The following PPP1R12B variants were observed in gnomAD, a reference collection of about 807,000 sequenced individuals.
The protein encoded by PPP1R12B is myosin phosphatase target subunit 2.
In PPP1R12B, 76 loss-of-function variants were observed where a neutral mutation model predicts 126.1. The observed-to-expected ratio is 0.60, with a 90% CI of 0.50 to 0.73. The LOEUF (loss-of-function observed/expected upper bound fraction) is 0.73. PPP1R12B is among the 30% of genes least tolerant of loss of function. PPP1R12B has a pLI of 0.00. For missense variants in PPP1R12B, 1,052 were observed against 1,205.1 expected (o/e 0.87, Z 1.88); for synonymous variants, 356 against 434.7 (o/e 0.82, Z 2.25).
chr1:202,494,917 A>G (rs1679351428), intron 15 of PPP1R12B, among the ~76,000 whole-genome samples: 1 of 152,190 alleles, frequency 6.6e-6, no homozygotes, highest in East Asian at 1.9e-4. Context: ...GTTTCCCTAC[A>G]TAAACCTTGC....
At chr1:202,464,490 G>A (rs1674728301) in intron 13 of PPP1R12B, among the ~76,000 whole-genome samples, 1 of 152,060 alleles carries the variant, frequency 6.6e-6, no homozygotes, top group African/African-American at 2.4e-5. Flanking sequence ...TTAATATAGG[G>A]AATGCAGATT....
intron 18 of PPP1R12B, among the ~76,000 whole-genome samples, chr1:202,553,963 G>A (rs1686607060): frequency 6.6e-6 from 1 of 152,122 alleles, no homozygotes; most frequent in Non-Finnish European, 1.5e-5. Flanking sequence ...ATGAAGTCGT[G>A]TTAGTCTAAC....
chr1:202,471,720 G>A (rs1405833664), intron 13 of PPP1R12B: 2 of 514,452 alleles, frequency 3.9e-6, no homozygotes, highest in East Asian at 6.5e-5. Flanking sequence ...TTCCTTTTTT[G>A]TGAATTCCTG....
intron 1 of PPP1R12B, among the ~76,000 whole-genome samples, chr1:202,368,648 G>C (rs1487660630): frequency 6.7e-6 from 1 of 148,156 alleles, no homozygotes; most frequent in African/African-American, 2.5e-5. Context: ...AGTGTTGGCT[G>C]TATTTTTCTT....
At chr1:202,454,532 A>T (rs1428507758) in intron 13 of PPP1R12B, among the ~76,000 whole-genome samples, 4 of 152,254 alleles carry the variant, frequency 2.6e-5, no homozygotes, top group Non-Finnish European at 5.9e-5. Flanking sequence ...CCCTTGTGAA[A>T]CAAATATGCT....
chr1:202,464,982 G>C (rs1674794676), intron 13 of PPP1R12B, among the ~76,000 whole-genome samples: 1 of 152,118 alleles, frequency 6.6e-6, no homozygotes, highest in Non-Finnish European at 1.5e-5. Context: ...GGGGCTTCGT[G>C]GAGCCAGAGG....
At chr1:202,434,881 G>C in intron 9 of PPP1R12B, 113 bp downstream of exon 9, 1 of 1,476,900 alleles carries the variant, frequency 6.8e-7, no homozygotes. Flanking sequence ...CATTTTTCCT[G>C]TCATAATCTG....
chr1:202,399,171 A>G (rs1259958757), intron 1 of PPP1R12B, among the ~76,000 whole-genome samples: 1 of 152,158 alleles, frequency 6.6e-6, no homozygotes, highest in African/African-American at 2.4e-5. Flanking sequence ...TCAAAATAGG[A>G]TATTAGAAAT....
chr1:202,579,957 C>CT (rs551883381), intron 23 of PPP1R12B, among the ~76,000 whole-genome samples: 14 of 152,302 alleles, frequency 9.2e-5, no homozygotes, highest in African/African-American at 3.1e-4. Flanking sequence ...CTTAAATCAT[C>CT]TTGTGCATAT....
intron 17 of PPP1R12B, among the ~76,000 whole-genome samples, chr1:202,496,438 T>C (rs1443761627): frequency 2.0e-5 from 3 of 152,250 alleles, no homozygotes; most frequent in Non-Finnish European, 4.4e-5. Context: ...AGTCATTCAT[T>C]ATAAATTATT....
At position 202,582,772 on chromosome 1, in the gene PPP1R12B, C is replaced by G. The variant is rs1354199478; in HGVS notation, c.*2212C>G. ...TGGTGGCAGGCGCCTGTAGTCCCAG[C>G]TACTCAGGAGGCTGAGGCAGGAGAA... is the stretch of plus-strand genomic sequence containing the variant. On this transcript the variant is annotated 3_prime_UTR_variant, in exon 24 of 24. Transcript: ENST00000608999. The G allele has an allele frequency of 6.6e-6, 1 of 152,224 alleles. No individual in the cohort carries two copies. Among genetic ancestry groups the G allele is most frequent in the African/African-American group, 2.4e-5 (1 of 41,438 alleles). The allele number at this position is 152,224 out of a possible 1,614,324, so 9.4% of individuals were successfully genotyped here. A position where few individuals can be genotyped will look rare whatever the true frequency, so the allele number is the denominator to read the frequency against.
In PPP1R12B at chr1:202,419,897, A is replaced by G. The variant is rs770752444; in HGVS notation, c.423-2723A>G. Among the ~76,000 whole-genome samples, 2 of 152,216 alleles carry G rather than the reference A, an allele frequency of 1.3e-5. No homozygotes were observed. The highest frequency in any genetic ancestry group is 2.4e-5 in the African/African-American group (1 of 41,458). On this transcript the variant is annotated intron_variant, in intron 2 of 23. Coordinates refer to ENST00000608999, the MANE Select transcript of PPP1R12B (RefSeq NM_002481.4). The surrounding 1 kb of genome is among the most constrained non-coding windows in gnomAD (Gnocchi z 4.6). ...TTCCCCAGAGATCAAGTTGAGATCA[A>G]TACTTAAAAGGGAAAAGCAGCATGG...
intron 1 of PPP1R12B, among the ~76,000 whole-genome samples, chr1:202,406,197 A>G (rs1054794708): frequency 6.6e-6 from 1 of 152,238 alleles, no homozygotes; most frequent in Non-Finnish European, 1.5e-5. Flanking sequence ...CCATGGGACA[A>G]CAATTTACTC....
intron 1 of PPP1R12B, among the ~76,000 whole-genome samples, chr1:202,349,639 T>C (rs554207670): frequency 2.6e-5 from 4 of 152,248 alleles, no homozygotes; most frequent in East Asian, 1.9e-4. Flanking sequence ...TTTTGTTGAT[T>C]TGTAGTACTT....
intron 23 of PPP1R12B, chr1:202,576,970 G>A (rs560180234): frequency 2.6e-5 from 4 of 152,222 alleles, no homozygotes; most frequent in African/African-American, 9.6e-5. Flanking sequence ...TGCATATTTG[G>A]CACAGTTTTC....
chr1:202,416,676 A>G, intron 1 of PPP1R12B, 111 bp from the exon 2 acceptor site: 1 of 927,466 alleles, frequency 1.1e-6, no homozygotes, highest in East Asian at 2.6e-5. Flanking sequence ...AGAAATAGAA[A>G]TTAATGTATT....
chr1:202,349,179 C>T, intron 1 of PPP1R12B, 37 bp downstream of exon 1: 2 of 1,609,092 alleles, frequency 1.2e-6, no homozygotes, highest in Non-Finnish European at 8.5e-7. Flanking sequence ...GTCCAGTCTC[C>T]TACAGATGAG....
At chr1:202,495,712 T>C (rs754659360) in intron 17 of PPP1R12B, 30 bp downstream of exon 17, 5 of 1,566,824 alleles carry the variant, frequency 3.2e-6, no homozygotes, top group East Asian at 4.5e-5. Context: ...CTGAGGCATA[T>C]CATATTACTC....
intron 1 of PPP1R12B, among the ~76,000 whole-genome samples, chr1:202,386,729 C>T (rs1358764083): frequency 6.6e-6 from 1 of 151,940 alleles, no homozygotes; most frequent in Admixed American, 6.6e-5. Flanking sequence ...AACACTTTGA[C>T]AGAGGTTTTG....
Sources: gnomAD v4.1 joint callset for allele counts (sites outside exome capture counted in the v4.1 genomes callset) on GRCh38, gnomAD v4.1.1 for gene constraint, Gnocchi (gnomAD v3.1) non-coding constraint, MANE v1.5 for transcripts, NCBI Gene and HGNC (gene_info 2026-07-23, HGNC 2026-07-21) for gene names.